ACVR2B: variants seen among roughly 807,000 people sequenced by gnomAD.
The protein encoded by ACVR2B is activin A receptor type 2B, also known as activin receptor type-2B.
In ACVR2B, 18 loss-of-function variants were observed where a neutral mutation model predicts 65.1. That is an observed-to-expected ratio of 0.28 (90% confidence interval 0.19 to 0.41). The LOEUF (loss-of-function observed/expected upper bound fraction) is 0.41. ACVR2B is among the 10% of genes least tolerant of loss of function. The probability of loss-of-function intolerance (pLI) is 1.00; values close to 1 mark genes in which losing one functional copy is unlikely to be tolerated. For missense variants in ACVR2B, 482 were observed against 682.7 expected, an observed-to-expected ratio of 0.71 and a Z score of 3.28; for synonymous variants, 298 against 277.7, an observed-to-expected ratio of 1.07 and a Z score of -0.73.
chr3:38,478,128 G>A lies in ACVR2B; in HGVS notation c.371-13G>A. 6.2e-7 allele frequency: 1 copy of A among 1,611,004 alleles called. No individual in the cohort carries two copies. The highest frequency in any genetic ancestry group is 8.5e-7 in the Non-Finnish European group (1 of 1,179,192). ...GGCAGACTGTTTGACACAGGGCTCT[G>A]TGTGTCCCCCAGTCACGTACGAGCC... is the stretch of plus-strand genomic sequence containing the variant. On this transcript the variant is annotated splice_polypyrimidine_tract_variant and intron_variant, in intron 3 of 10. Transcript: ENST00000352511.
In ACVR2B at chr3:38,458,540, C is replaced by T. The variant is rs566238605; in HGVS notation, c.52+4166C>T. Among the ~76,000 whole-genome samples the T allele has an allele frequency of 2.0e-5, 3 of 152,280 alleles. 1 individual carries two copies. In the South Asian group the frequency reaches 6.2e-4, roughly 32 times the overall value. On this transcript the variant is annotated intron_variant, in intron 1 of 10. Transcript: ENST00000352511. The stretch of plus-strand genomic sequence containing the variant: ...CACCTTGGTACCTCACTTACTTTGC[C>T]TTTTGTGATCCTGCCGGATGTTCAG...
chr3:38,490,288 T>C lies in ACVR2B; in HGVS notation c.*6956T>C, dbSNP rs1227354456. 6.6e-6 allele frequency: 1 copy of C among 152,392 alleles called. No individual in the cohort carries two copies. Among genetic ancestry groups the C allele is most frequent in the African/African-American group, 2.4e-5 (1 of 41,458 alleles). The allele number at this position is 152,392 out of a possible 1,614,324, so 9.4% of individuals were successfully genotyped here. The stretch of plus-strand genomic sequence containing the variant: ...CTGCCCGCTGGCTTCAGGCTGCTGC[T>C]TCTAGACAGAGGTGCACTGGACGGG... On this transcript the variant is annotated 3_prime_UTR_variant, in exon 11 of 11. Transcript: ENST00000352511.
At chr3:38,479,014 G>A in intron 5 of ACVR2B, 114 bp from the exon 6 acceptor site, 1 of 1,419,698 alleles carries the variant, frequency 7.0e-7, no homozygotes, top group Non-Finnish European at 9.9e-7. Context: ...TGGGGATTGG[G>A]CTGGGAGGCT....
Position 38,477,409 on chromosome 3 carries a change from T to A in ACVR2B, c.175T>A (p.Cys59Ser). The change falls in exon 2 of 11, where the codon TGC becomes AGC. Residue 59 changes from cysteine to serine, a missense_variant. Transcript: ENST00000352511. The surrounding 1 kb of genome is among the most constrained non-coding windows in gnomAD (Gnocchi z 6.7). ...AGGCGAGCAGGACAAGCGGCTGCAC[T>A]GCTACGCCTCCTGGCGCAACAGCTC... ...CEGEQDKRLH[C>S]YASWRNSSGT... 2 of 1,614,158 alleles carry A rather than the reference T, an allele frequency of 1.2e-6. No homozygotes were observed. The highest frequency in any genetic ancestry group is 1.7e-6 in the Non-Finnish European group (2 of 1,180,006).
intron 1 of ACVR2B, among the ~76,000 whole-genome samples, chr3:38,466,295 G>A (rs954373158): frequency 3.0e-5 from 4 of 131,728 alleles, no homozygotes; most frequent in African/African-American, 5.0e-5. Flanking sequence ...CTGTTGCACC[G>A]TAGGGTGCTT....
chr3:38,479,652 T>TC (rs1183750871), intron 6 of ACVR2B, 26 bp from the exon 7 acceptor site: 11 of 1,613,662 alleles, frequency 6.8e-6, no homozygotes, highest in Non-Finnish European at 8.5e-6. Context: ...GAATCTGTGC[T>TC]CAAGTTCTGT....
chr3:38,480,002 A>C (rs1709989664), intron 7 of ACVR2B, among the ~76,000 whole-genome samples, 176 bp downstream of exon 7: 2 of 152,200 alleles, frequency 1.3e-5, no homozygotes, highest in Non-Finnish European at 2.9e-5. Flanking sequence ...TGGGGATGGC[A>C]TGGCCTCCCA....
intron 1 of ACVR2B, among the ~76,000 whole-genome samples, chr3:38,455,551 C>T (rs1242361072): frequency 6.6e-6 from 1 of 152,152 alleles, no homozygotes; most frequent in Admixed American, 6.5e-5. Context: ...CCCATTCCCA[C>T]CCTGGTTCTA....
At chr3:38,478,092 G>A (rs1367101577) in intron 3 of ACVR2B, 49 bp from the exon 4 acceptor site, 2 of 1,609,338 alleles carry the variant, frequency 1.2e-6, no homozygotes, top group Non-Finnish European at 1.7e-6. Context: ...GGCTCTGGAA[G>A]TGTGAGGGTG....
chr3:38,487,792 C>A lies in ACVR2B; in HGVS notation c.*4460C>A, dbSNP rs1053082470. 6.6e-6 allele frequency: 1 copy of A among 152,150 alleles called. No individual in the cohort carries two copies. Among genetic ancestry groups the A allele is most frequent in the African/African-American group, 2.4e-5 (1 of 41,434 alleles). 9.4% of individuals were successfully genotyped at this position (152,150 alleles called of 1,614,324 possible). On this transcript the variant is annotated 3_prime_UTR_variant, in exon 11 of 11. Coordinates refer to ENST00000352511, the MANE Select transcript of ACVR2B (RefSeq NM_001106.4). The stretch of plus-strand genomic sequence containing the variant: ...AGTATGTAAGTTTTTAGAATTGGTA[C>A]TAGAAGTTGGACAGCTAGTTATTCT...
Position 38,483,209 on chromosome 3 carries a change from C to G in ACVR2B, c.1416C>G (p.Gly472=). ...DHDAEARLSA[G]CVEERVSLIR... ...ATGCAGAGGCTCGCTTGTCCGCGGG[C>G]TGTGTGGAGGAGCGGGTGTCCCTGA... Residue 472 remains glycine (G), a synonymous_variant, in exon 11 of 11, where the codon GGC becomes GGG. Coordinates refer to ENST00000352511, the MANE Select transcript of ACVR2B (RefSeq NM_001106.4). The surrounding 1 kb of genome is among the most constrained non-coding windows in gnomAD (Gnocchi z 4.8). 6.2e-7 allele frequency: 1 copy of G among 1,614,068 alleles called. No homozygotes were observed. Among genetic ancestry groups the G allele is most frequent in the Non-Finnish European group, 8.5e-7 (1 of 1,180,024 alleles).
intron 6 of ACVR2B, 66 bp downstream of exon 6, chr3:38,479,337 A>G: frequency 6.2e-7 from 1 of 1,608,968 alleles, no homozygotes; most frequent in Non-Finnish European, 8.5e-7. Flanking sequence ...GCTCTCCATA[A>G]TATGATGACC....
In ACVR2B at chr3:38,454,066, G is replaced by T. The variant is rs976677161; in HGVS notation, c.-257G>T. 1 of 143,430 alleles carries T rather than the reference G, an allele frequency of 7.0e-6. No homozygotes were observed. Among genetic ancestry groups the T allele is most frequent in the Non-Finnish European group, 1.5e-5 (1 of 65,398 alleles). 8.9% of individuals were successfully genotyped at this position (143,430 alleles called of 1,614,324 possible). On this transcript the variant is annotated 5_prime_UTR_variant, in exon 1 of 11. Transcript: ENST00000352511. ...GCGCCCCGGCCCGTGCCCCGCCGCC[G>T]CCCCCCGGCCCCCGCGTCGCCCCGG...
chr3:38,474,723 T>G (rs1259545871), intron 1 of ACVR2B: 1 of 152,232 alleles, frequency 6.6e-6, no homozygotes, highest in East Asian at 1.9e-4. Context: ...AATAATCCTT[T>G]AAGCAACAAC....
Position 38,486,160 on chromosome 3 carries a change from C to T in ACVR2B, c.*2828C>T, listed in dbSNP as rs1213790752. ...CTGGGTGGCCTCCCCGTTAGGCCCA[C>T]CGTACGCTCAGCCACTATAGTGTCC... is the stretch of plus-strand genomic sequence containing the variant. On this transcript the variant is annotated 3_prime_UTR_variant, in exon 11 of 11. Coordinates refer to ENST00000352511, the MANE Select transcript of ACVR2B (RefSeq NM_001106.4). 2 of 152,288 alleles carry T rather than the reference C, an allele frequency of 1.3e-5. No individual in the cohort carries two copies. The highest frequency in any genetic ancestry group is 2.4e-5 in the African/African-American group (1 of 41,458). 9.4% of individuals were successfully genotyped at this position (152,288 alleles called of 1,614,324 possible).
At position 38,487,203 on chromosome 3, in the gene ACVR2B, ACT is replaced by A. The variant is rs1169070836; in HGVS notation, c.*3874_*3875del. 1 of 152,132 alleles carries A rather than the reference ACT, an allele frequency of 6.6e-6. No homozygotes were observed. The highest frequency in any genetic ancestry group is 1.5e-5 in the Non-Finnish European group (1 of 68,056). 9.4% of individuals were successfully genotyped at this position (152,132 alleles called of 1,614,324 possible). A position where few individuals can be genotyped will look rare whatever the true frequency, so the allele number is the denominator to read the frequency against. On this transcript the variant is annotated 3_prime_UTR_variant, in exon 11 of 11. Transcript: ENST00000352511. ...TACCCACACGTGCCAGCTGATTCTG[ACT>A]CTGAATACATCATGTCCGGACTTGG...
At chr3:38,466,670 A>C (rs2125715913) in intron 1 of ACVR2B, among the ~76,000 whole-genome samples, 1 of 152,074 alleles carries the variant, frequency 6.6e-6, no homozygotes, top group African/African-American at 2.4e-5. Flanking sequence ...AGCCTGGCTA[A>C]TTTTTGTATT....
intron 1 of ACVR2B, among the ~76,000 whole-genome samples, chr3:38,461,370 C>T (rs1027977187): frequency 3.9e-5 from 6 of 152,186 alleles, no homozygotes; most frequent in African/African-American, 1.4e-4. Flanking sequence ...TGGCCCAGGG[C>T]TCACACAAGA....
In ACVR2B at chr3:38,488,684, TC is replaced by T. The variant is rs1260426507; in HGVS notation, c.*5354del. On this transcript the variant is annotated 3_prime_UTR_variant, in exon 11 of 11. Coordinates refer to ENST00000352511, the MANE Select transcript of ACVR2B (RefSeq NM_001106.4). ...AACATGACTTTTTGATTGTGGTACT[TC>T]CTGTATCCCCTGTAGTGCCAAAACC... is the stretch of plus-strand genomic sequence containing the variant. 6.6e-6 allele frequency: 1 copy of T among 152,232 alleles called. No individual in the cohort carries two copies. Among genetic ancestry groups the T allele is most frequent in the Non-Finnish European group, 1.5e-5 (1 of 68,042 alleles). The allele number at this position is 152,232 out of a possible 1,614,324, so 9.4% of individuals were successfully genotyped here.
Sources: allele counts gnomAD v4.1 joint callset (sites outside exome capture counted in the v4.1 genomes callset), GRCh38; gene constraint gnomAD v4.1.1; non-coding constraint Gnocchi (gnomAD v3.1); transcripts MANE v1.5; gene names NCBI Gene and HGNC (gene_info 2026-07-23, HGNC 2026-07-21).